The following GMFB variants were observed in gnomAD, a reference collection of about 807,000 sequenced individuals.
GMFB encodes GMF-beta.
Under a neutral mutation model 25.6 loss-of-function variants are expected in GMFB, and 13 were observed. The observed-to-expected ratio is 0.51, with a 90% CI of 0.33 to 0.81. GMFB has a LOEUF of 0.81. Ranked by LOEUF, GMFB falls within the 30% of genes least tolerant of loss-of-function variation. The probability of loss-of-function intolerance (pLI) is 0.02; values close to 1 mark genes in which losing one functional copy is unlikely to be tolerated. For synonymous variants in GMFB, 57 were observed against 56.9 expected (o/e 1.00, Z 0.00); for missense variants, 146 against 175.4 (o/e 0.83, Z 0.95).
chr14:54,483,901 G>A, intron 1 of GMFB, 134 bp from the exon 2 acceptor site: 3 of 709,020 alleles, frequency 4.2e-6, no homozygotes, highest in Non-Finnish European at 7.7e-6. Flanking sequence ...TTAAATACAT[G>A]AACACTTAAA....
At position 54,477,095 on chromosome 14, in the gene GMFB, C is replaced by T. The variant is rs1480041541; in HGVS notation, c.*993G>A. ...ACCACAAGTATACCCAAAATTATAA[C>T]TCTCGACTGCCATATATTCACCAAT... On this transcript the variant is annotated 3_prime_UTR_variant, in exon 7 of 7. Transcript: ENST00000358056. 2.0e-5 allele frequency: 3 copies of T among 152,218 alleles called. No individual in the cohort carries two copies. Among genetic ancestry groups the T allele is most frequent in the Admixed American group, 6.6e-5 (1 of 15,242 alleles). The allele number at this position is 152,218 out of a possible 1,614,324, so 9.4% of individuals were successfully genotyped here.
At chr14:54,488,395 T>C (rs2031818214) in intron 1 of GMFB, among the ~76,000 whole-genome samples, 1 of 152,052 alleles carries the variant, frequency 6.6e-6, no homozygotes. Context: ...TAAGGAGAAA[T>C]CCTCTGTAGG....
chr14:54,481,591 A>G, intron 3 of GMFB, 133 bp from the exon 4 acceptor site: 1 of 634,664 alleles, frequency 1.6e-6, no homozygotes, highest in Non-Finnish European at 2.8e-6. Context: ...TTATCTTACT[A>G]AATTATACAT....
rs2031801335 is a variant in GMFB at position 54,487,405 on chromosome 14, G to A, written c.3+1520C>T. Among the ~76,000 whole-genome samples the A allele has an allele frequency of 2.0e-5, 3 of 152,180 alleles. No homozygotes were observed. In the South Asian group the frequency reaches 6.2e-4, roughly 32 times the overall value. Reference sequence around the variant, plus strand: ...ACAAAATTAGCCGGGTGTGGTGGCGGGAGCCTGTAGTCCCAGCTACTCGGG... The same window carrying A: ...ACAAAATTAGCCGGGTGTGGTGGCGAGAGCCTGTAGTCCCAGCTACTCGGG... On this transcript the variant is annotated intron_variant, in intron 1 of 6. Coordinates refer to ENST00000358056, the MANE Select transcript of GMFB (RefSeq NM_004124.3).
At chr14:54,481,513 A>C in intron 3 of GMFB, 55 bp from the exon 4 acceptor site, 1 of 1,118,792 alleles carries the variant, frequency 8.9e-7, no homozygotes, top group Non-Finnish European at 1.4e-6. Context: ...TAAGTCCTTA[A>C]GAGATACACC....
chr14:54,485,523 A>G (rs972965096), intron 1 of GMFB, among the ~76,000 whole-genome samples: 3 of 152,218 alleles, frequency 2.0e-5, no homozygotes, highest in Admixed American at 1.3e-4. Context: ...TGAAGAGAAC[A>G]TACAAAAATG....
intron 6 of GMFB, chr14:54,479,007 T>A (rs991157626): frequency 1.3e-5 from 2 of 152,020 alleles, no homozygotes; most frequent in African/African-American, 2.4e-5. Context: ...CAGGAAAAAG[T>A]AATGTCTATA....
Position 54,478,098 on chromosome 14 carries a change from A to T in GMFB, c.419T>A (p.Phe140Tyr). The change falls in exon 7 of 7, where the codon TTT (phenylalanine) becomes TAT (tyrosine). Residue 140 changes from phenylalanine to tyrosine, a missense_variant. By Grantham distance (22) the Phe-to-Tyr change is conservative. Transcript: ENST00000358056. ...ACACAGAAGTTCACATTAGTGAAAAAATCCAAGTTTCTCACGTAACCATTC... is the reference window on the plus strand; with the variant it reads ...ACACAGAAGTTCACATTAGTGAAAATATCCAAGTTTCTCACGTAACCATTC... ...TEEWLREKLG[F>Y]FH The T allele has an allele frequency of 7.0e-7, 1 of 1,424,298 alleles. No individual in the cohort carries two copies. Among genetic ancestry groups the T allele is most frequent in the Admixed American group, 2.2e-5 (1 of 46,454 alleles). 88.2% of individuals were successfully genotyped at this position (1,424,298 alleles called of 1,614,324 possible).
rs1156239554 is a variant in GMFB, at chr14:54,483,652, G to C, written c.100+19C>G. Reference sequence around the variant, plus strand: ...CAAATTAAGACCATGTAACTTTGAGGCAATCACTTTTAGCTTACTTATAAT... The same window carrying C: ...CAAATTAAGACCATGTAACTTTGAGCCAATCACTTTTAGCTTACTTATAAT... On this transcript the variant is annotated intron_variant, in intron 2 of 6. Transcript: ENST00000358056. 8.0e-7 allele frequency: 1 copy of C among 1,253,440 alleles called. No individual in the cohort carries two copies. The highest frequency in any genetic ancestry group is 2.3e-5 in the East Asian group (1 of 43,212). 77.6% of individuals were successfully genotyped at this position (1,253,440 alleles called of 1,614,324 possible). A position where few individuals can be genotyped will look rare whatever the true frequency, so the allele number is the denominator to read the frequency against.
rs1000966883 is a variant in GMFB at position 54,477,814 on chromosome 14, A to G, written c.*274T>C. The stretch of plus-strand genomic sequence containing the variant: ...TGTAAATAGTAACAAATTCCGAACC[A>G]TAAGTTATAGAAATTAGTCACAAGA... On this transcript the variant is annotated 3_prime_UTR_variant, in exon 7 of 7. Coordinates refer to ENST00000358056, the MANE Select transcript of GMFB (RefSeq NM_004124.3). 2.8e-5 allele frequency: 8 copies of G among 287,928 alleles called. No individual in the cohort carries two copies. Among genetic ancestry groups the G allele is most frequent in the African/African-American group, 1.1e-4 (5 of 45,714 alleles). 17.8% of individuals were successfully genotyped at this position (287,928 alleles called of 1,614,324 possible).
chr14:54,488,956 C>T lies in GMFB; in HGVS notation c.-29G>A, dbSNP rs755697128. The T allele has an allele frequency of 3.2e-6, 5 of 1,558,552 alleles. No homozygotes were observed. The highest frequency in any genetic ancestry group is 4.3e-6 in the Non-Finnish European group (5 of 1,155,266). On this transcript the variant is annotated 5_prime_UTR_variant, in exon 1 of 7. Coordinates refer to ENST00000358056, the MANE Select transcript of GMFB (RefSeq NM_004124.3). ...CCTTCCGGCCGTCAGCGGCCTGTCG[C>T]CTACACTCGGGCGCCTTTAAGAATG... is the stretch of plus-strand genomic sequence containing the variant.
In GMFB at chr14:54,488,093, T is replaced by A. The variant is rs189236467; in HGVS notation, c.3+832A>T. ...ATTCGATTCAGTGACCATGACAAGA[T>A]CTATTCGATGAAAGTGGGCTGAGAA... On this transcript the variant is annotated intron_variant, in intron 1 of 6. Coordinates refer to ENST00000358056, the MANE Select transcript of GMFB (RefSeq NM_004124.3). Among the ~76,000 whole-genome samples the A allele has an allele frequency of 1.7e-4, 26 of 152,328 alleles. No homozygotes were observed. In the East Asian group the frequency reaches 2.5e-3, roughly 15 times the overall value.
rs746183225 is a variant in GMFB at position 54,484,008 on chromosome 14, G to C, written c.4-241C>G. ...AAGGTATATTTTAACTTTCTCTTTG[G>C]CTAATGAATGTCTCAAAAACCACAC... is the stretch of plus-strand genomic sequence containing the variant. On this transcript the variant is annotated intron_variant, in intron 1 of 6. Coordinates refer to ENST00000358056, the MANE Select transcript of GMFB (RefSeq NM_004124.3). The C allele has an allele frequency of 1.3e-5, 8 of 593,606 alleles. No homozygotes were observed. In the Middle Eastern group the frequency reaches 1.0e-3, roughly 78 times the overall value. The allele number at this position is 593,606 out of a possible 1,614,324, so 36.8% of individuals were successfully genotyped here.
At chr14:54,478,699 G>C (rs118033398) in intron 6 of GMFB, 2 of 152,262 alleles carry the variant, frequency 1.3e-5, no homozygotes, top group Non-Finnish European at 2.9e-5. Flanking sequence ...AGGATTTGGA[G>C]CCAGATGTGA....
At chr14:54,480,594 G>A in intron 5 of GMFB, 1 of 279,894 alleles carries the variant, frequency 3.6e-6, no homozygotes, top group Non-Finnish European at 6.6e-6. Context: ...TGCTATATTA[G>A]AATGTCATCA....
chr14:54,486,166 C>T (rs897702305), intron 1 of GMFB, among the ~76,000 whole-genome samples: 5 of 152,164 alleles, frequency 3.3e-5, no homozygotes, highest in African/African-American at 1.2e-4. Flanking sequence ...AGGAGAATCG[C>T]TTGAACCCGG....
chr14:54,476,756 A>G lies in GMFB; in HGVS notation c.*1332T>C, dbSNP rs555326841. On this transcript the variant is annotated 3_prime_UTR_variant, in exon 7 of 7. Coordinates refer to ENST00000358056, the MANE Select transcript of GMFB (RefSeq NM_004124.3). ...CAAAATTTAAATTTTGCTAGTTTTGAGATGACTAAGATATTCTTAATATAA... is the reference window on the plus strand; with the variant it reads ...CAAAATTTAAATTTTGCTAGTTTTGGGATGACTAAGATATTCTTAATATAA... The G allele has an allele frequency of 5.3e-5, 8 of 152,192 alleles. No individual in the cohort carries two copies. The highest frequency in any genetic ancestry group is 1.9e-4 in the African/African-American group (8 of 41,572). 9.4% of individuals were successfully genotyped at this position (152,192 alleles called of 1,614,324 possible).
Position 54,481,476 on chromosome 14 carries a change from A to C in GMFB, c.151-18T>G. 2 of 1,590,122 alleles carry C rather than the reference A, an allele frequency of 1.3e-6. No individual in the cohort carries two copies. The highest frequency in any genetic ancestry group is 2.2e-5 in the South Asian group (2 of 90,532). On this transcript the variant is annotated intron_variant, in intron 3 of 6. Coordinates refer to ENST00000358056, the MANE Select transcript of GMFB (RefSeq NM_004124.3). ...GAAATGCCCTGGCACCACAGAGAAA[A>C]GCAACTTTTAAACATTTTCTTACCC...
chr14:54,484,757 G>A (rs766131244), intron 1 of GMFB, among the ~76,000 whole-genome samples: 3 of 152,090 alleles, frequency 2.0e-5, no homozygotes, highest in Non-Finnish European at 2.9e-5. Context: ...CAATATGCTT[G>A]ATGAACATAG....
Sources: gnomAD v4.1 joint callset for allele counts (sites outside exome capture counted in the v4.1 genomes callset) on GRCh38, gnomAD v4.1.1 for gene constraint, MANE v1.5 for transcripts, NCBI Gene and HGNC (gene_info 2026-07-23, HGNC 2026-07-21) for gene names.